Variants in NECAB1 observed in about 807,000 individuals in gnomAD.
The protein encoded by NECAB1 is N-terminal EF-hand calcium-binding protein 1.
NECAB1 carries 29 observed loss-of-function variants against 57.5 expected under a neutral mutation model. That is an observed-to-expected ratio of 0.50 (90% CI 0.38 to 0.69). The LOEUF (loss-of-function observed/expected upper bound fraction) is 0.69, where lower values mean the gene tolerates loss of function less well. NECAB1 is among the 30% of genes least tolerant of loss of function. NECAB1 has a pLI of 0.00. For missense variants in NECAB1, 372 were observed against 413.8 expected, an observed-to-expected ratio of 0.90 and a Z score of 0.88; for synonymous variants, 142 against 147.7, an observed-to-expected ratio of 0.96 and a Z score of 0.28.
At chr8:90,876,605 A>C (rs1808730905) in intron 4 of NECAB1, among the ~76,000 whole-genome samples, 1 of 152,148 alleles carries the variant, frequency 6.6e-6, no homozygotes, top group African/African-American at 2.4e-5. Context: ...AAAACAGAAC[A>C]AAACTGTAGT....
chr8:90,906,889 A>ATATATATG (rs1809677088), intron 5 of NECAB1, among the ~76,000 whole-genome samples: 2 of 72,856 alleles, frequency 2.7e-5, no homozygotes, highest in African/African-American at 1.1e-4. Context: ...ATATATATAT[A>ATATATATG]TATATATATA....
chr8:90,846,010 A>C (rs1812549698), intron 3 of NECAB1, among the ~76,000 whole-genome samples: 2 of 152,208 alleles, frequency 1.3e-5, no homozygotes, highest in Admixed American at 1.3e-4. Flanking sequence ...CACCTGGTAC[A>C]TCTTAAATTA....
chr8:90,871,364 T>G (rs1420921654), intron 3 of NECAB1, among the ~76,000 whole-genome samples: 3 of 152,198 alleles, frequency 2.0e-5, no homozygotes, highest in Admixed American at 2.0e-4. Flanking sequence ...TATAATGATT[T>G]ATTACCTGAT....
chr8:90,873,252 T>A (rs1046594086), intron 4 of NECAB1, among the ~76,000 whole-genome samples: 2 of 152,192 alleles, frequency 1.3e-5, no homozygotes, highest in Admixed American at 1.3e-4. Context: ...ATTCAAGATA[T>A]GTTTATGGAG....
chr8:90,951,035 G>C (rs957455118), intron 11 of NECAB1, 78 bp from the exon 12 acceptor site: 1 of 759,390 alleles, frequency 1.3e-6, no homozygotes, highest in South Asian at 2.8e-5. Context: ...TTGCCATCTT[G>C]ATCAAATTTG....
intron 5 of NECAB1, among the ~76,000 whole-genome samples, chr8:90,909,179 A>G (rs573109758): frequency 6.6e-6 from 1 of 152,118 alleles, no homozygotes; most frequent in South Asian, 2.1e-4. Context: ...AGTTGTTTTT[A>G]TTTTTGAGGT....
intron 3 of NECAB1, among the ~76,000 whole-genome samples, chr8:90,851,486 A>G (rs1342339359): frequency 6.6e-6 from 1 of 152,142 alleles, no homozygotes; most frequent in Non-Finnish European, 1.5e-5. Flanking sequence ...GAATTGTAGG[A>G]CACTCAATTG....
At chr8:90,899,793 G>T (rs1360325761) in intron 5 of NECAB1, among the ~76,000 whole-genome samples, 1 of 152,124 alleles carries the variant, frequency 6.6e-6, no homozygotes, top group Non-Finnish European at 1.5e-5. Context: ...CATAATTCAG[G>T]TGGGTGCTTG....
Position 90,846,751 on chromosome 8 carries a change from G to A in NECAB1, c.233+21926G>A, listed in dbSNP as rs185935288. Among the ~76,000 whole-genome samples the A allele has an allele frequency of 6.0e-4, 91 of 152,248 alleles. No homozygotes were observed. In the East Asian group the frequency reaches 6.9e-3, roughly 12 times the overall value. ...CAAGTCATGTCTTACATGGCATTAC[G>A]CAAGAAAGCATGTGCAGGGGAACTC... On this transcript the variant is annotated intron_variant, in intron 3 of 12. Transcript: ENST00000417640.
At chr8:90,900,203 G>A (rs1255980297) in intron 5 of NECAB1, among the ~76,000 whole-genome samples, 1 of 152,134 alleles carries the variant, frequency 6.6e-6, no homozygotes. Context: ...AATATGGGAT[G>A]ATTCAAGGGT....
At chr8:90,795,363 A>G (rs1421983877) in intron 1 of NECAB1, among the ~76,000 whole-genome samples, 2 of 152,106 alleles carry the variant, frequency 1.3e-5, no homozygotes, top group East Asian at 3.9e-4. Flanking sequence ...ACTGGAAGGG[A>G]AGTGACTGTT....
At chr8:90,955,260 G>C (rs1439092215) in intron 12 of NECAB1, among the ~76,000 whole-genome samples, 1 of 150,288 alleles carries the variant, frequency 6.7e-6, no homozygotes, top group Admixed American at 6.7e-5. Flanking sequence ...ACATAGAACA[G>C]AAAATTTTAG....
intron 6 of NECAB1, among the ~76,000 whole-genome samples, chr8:90,918,132 C>G (rs1049584360): frequency 1.3e-5 from 2 of 150,656 alleles, no homozygotes; most frequent in African/African-American, 4.9e-5. Context: ...GCCTCAGCCT[C>G]CCAAATAGGT....
Position 90,848,272 on chromosome 8 carries a change from C to T in NECAB1, c.233+23447C>T, listed in dbSNP as rs548448564. Reference sequence around the variant, plus strand: ...GCAAGTTCCTCATCTCCCTCTAAGACCACCTCAGCCTGGACTTACTGTCCA... The same window carrying T: ...GCAAGTTCCTCATCTCCCTCTAAGATCACCTCAGCCTGGACTTACTGTCCA... On this transcript the variant is annotated intron_variant, in intron 3 of 12. Coordinates refer to ENST00000417640, the MANE Select transcript of NECAB1 (RefSeq NM_022351.5). 6.6e-5 allele frequency among the ~76,000 whole-genome samples: 10 copies of T among 152,318 alleles called. 1 individual carries two copies. In the South Asian group the frequency reaches 2.1e-3, roughly 32 times the overall value.
intron 3 of NECAB1, among the ~76,000 whole-genome samples, chr8:90,852,876 C>T (rs1323412296): frequency 6.6e-6 from 1 of 152,216 alleles, no homozygotes; most frequent in Non-Finnish European, 1.5e-5. Flanking sequence ...TTCCTGAACA[C>T]TGGACAAGAG....
Position 90,917,648 on chromosome 8 carries a change from C to T in NECAB1, c.494+20C>T, listed in dbSNP as rs1023845353. 4 of 1,598,032 alleles carry T rather than the reference C, an allele frequency of 2.5e-6. No individual in the cohort carries two copies. Among genetic ancestry groups the T allele is most frequent in the Admixed American group, 3.4e-5 (2 of 58,762 alleles). On this transcript the variant is annotated intron_variant, in intron 6 of 12. Coordinates refer to ENST00000417640, the MANE Select transcript of NECAB1 (RefSeq NM_022351.5). ...AGAAAGGCAATTTACATGTTTTCAT[C>T]TGATGTCTATTTAGTGACTCTATGT...
intron 3 of NECAB1, among the ~76,000 whole-genome samples, chr8:90,865,047 G>T (rs1702917114): frequency 6.6e-6 from 1 of 152,110 alleles, no homozygotes; most frequent in African/African-American, 2.4e-5. Context: ...TTAAGGGCAA[G>T]TTCCCCAGTG....
intron 10 of NECAB1, among the ~76,000 whole-genome samples, chr8:90,945,264 C>T (rs1314379151): frequency 1.3e-5 from 2 of 152,112 alleles, no homozygotes; most frequent in Non-Finnish European, 1.5e-5. Flanking sequence ...GACAGGGTTT[C>T]ACCCTGTTGC....
intron 1 of NECAB1, among the ~76,000 whole-genome samples, chr8:90,800,621 ACATTTG>A (rs2130642975): frequency 6.6e-6 from 1 of 152,318 alleles, no homozygotes; most frequent in Non-Finnish European, 1.5e-5. Context: ...TAGGATTTCA[ACATTTG>A]GTTTTGGAGG....
Sources: allele counts gnomAD v4.1 joint callset (sites outside exome capture counted in the v4.1 genomes callset), GRCh38; gene constraint gnomAD v4.1.1; transcripts MANE v1.5; gene names NCBI Gene and HGNC (gene_info 2026-07-23, HGNC 2026-07-21).